The following WDR59 variants were observed in gnomAD, a reference collection of about 807,000 sequenced individuals.
The protein encoded by WDR59 is WD repeat domain 59.
Under a neutral mutation model 131.2 loss-of-function variants are expected in WDR59, and 100 were observed. The observed-to-expected ratio is 0.76, with a 90% CI of 0.65 to 0.90. WDR59 has a LOEUF of 0.90. Ranked by LOEUF, WDR59 falls within the 40% of genes least tolerant of loss-of-function variation. WDR59 has a pLI of 0.00. For synonymous variants in WDR59, 601 were observed against 466.2 expected (o/e 1.29, Z -3.72); for missense variants, 1,203 against 1,262.2 (o/e 0.95, Z 0.71).
rs759481888 is a variant in WDR59, at chr16:74,873,546, G to A, written c.*663C>T. 3 of 150,118 alleles carry A rather than the reference G, an allele frequency of 2.0e-5. No individual in the cohort carries two copies. The highest frequency in any genetic ancestry group is 4.4e-5 in the Non-Finnish European group (3 of 67,712). The allele number at this position is 150,118 out of a possible 1,614,324, so 9.3% of individuals were successfully genotyped here. On this transcript the variant is annotated 3_prime_UTR_variant, in exon 26 of 26. Coordinates refer to ENST00000262144, the MANE Select transcript of WDR59 (RefSeq NM_030581.4). ...AATAGCTACCTTCAATTAGAATTAG[G>A]GTAAAAAATGATTCACCATAATGTT...
intron 10 of WDR59, among the ~76,000 whole-genome samples, chr16:74,918,394 T>C (rs1198648669): frequency 1.3e-5 from 2 of 152,238 alleles, no homozygotes; most frequent in African/African-American, 2.4e-5. Context: ...TGGGATTTAA[T>C]GTCACACTAA....
At chr16:74,885,508 G>A in intron 25 of WDR59, 145 bp downstream of exon 25, 7 of 617,440 alleles carry the variant, frequency 1.1e-5, no homozygotes, top group South Asian at 4.2e-5. Context: ...GGGCTTTTCA[G>A]ATGCTTGGAA....
intron 23 of WDR59, among the ~76,000 whole-genome samples, chr16:74,887,017 T>C (rs1163421270): frequency 6.6e-6 from 1 of 152,182 alleles, no homozygotes; most frequent in Non-Finnish European, 1.5e-5. Context: ...TTTTGAACAA[T>C]ATTTGCTCAT....
intron 8 of WDR59, among the ~76,000 whole-genome samples, chr16:74,928,722 C>T (rs1217769686): frequency 1.3e-5 from 2 of 151,902 alleles, no homozygotes; most frequent in Non-Finnish European, 1.5e-5. Flanking sequence ...GTCACCATGG[C>T]GAAACCCTGT....
chr16:74,942,227 T>C (rs1466055994), intron 7 of WDR59, among the ~76,000 whole-genome samples: 2 of 152,128 alleles, frequency 1.3e-5, no homozygotes, highest in South Asian at 2.1e-4. Flanking sequence ...TTGAGGCTGA[T>C]GGGATGTCTA....
chr16:74,924,069 A>G, intron 8 of WDR59, 66 bp from the exon 9 acceptor site: 1 of 1,499,144 alleles, frequency 6.7e-7, no homozygotes, highest in South Asian at 1.2e-5. Context: ...TGAAATAAGC[A>G]CAGCCTTTGA....
intron 8 of WDR59, among the ~76,000 whole-genome samples, chr16:74,937,478 T>G (rs925466231): frequency 6.6e-6 from 1 of 152,154 alleles, no homozygotes; most frequent in African/African-American, 2.4e-5. Context: ...CATATCTGAC[T>G]TCCTTGCAGC....
At chr16:74,877,705 C>T (rs535342139) in intron 25 of WDR59, among the ~76,000 whole-genome samples, 1 of 152,080 alleles carries the variant, frequency 6.6e-6, no homozygotes, top group Non-Finnish European at 1.5e-5. Flanking sequence ...CCAACATGCC[C>T]GGCTAATTTC....
At chr16:74,977,833 T>G (rs1295483968) in intron 1 of WDR59, among the ~76,000 whole-genome samples, 1 of 152,224 alleles carries the variant, frequency 6.6e-6, no homozygotes, top group African/African-American at 2.4e-5. Flanking sequence ...GTCTATATAC[T>G]GGAACACTAC....
At chr16:74,885,841 A>G in intron 24 of WDR59, 46 bp from the exon 25 acceptor site, 1 of 1,602,342 alleles carries the variant, frequency 6.2e-7, no homozygotes, top group South Asian at 1.1e-5. Flanking sequence ...TTAAGAAAAA[A>G]CAAGCTTCAT....
At chr16:74,922,568 C>G (rs1017272022) in intron 9 of WDR59, among the ~76,000 whole-genome samples, 1 of 152,134 alleles carries the variant, frequency 6.6e-6, no homozygotes, top group Non-Finnish European at 1.5e-5. Context: ...ACCTTCCCGC[C>G]CCCCCGGCAC....
chr16:74,930,709 A>G (rs1385271005), intron 8 of WDR59: 4 of 152,090 alleles, frequency 2.6e-5, no homozygotes, highest in Non-Finnish European at 4.4e-5. Flanking sequence ...CCTGGCCAAC[A>G]TGGTGAAACT....
intron 13 of WDR59, 106 bp from the exon 14 acceptor site, chr16:74,912,468 GAA>G: frequency 1.7e-6 from 2 of 1,198,902 alleles, no homozygotes; most frequent in South Asian, 3.3e-5. Context: ...TGAATGAAGG[GAA>G]AGAGTCTACA....
At chr16:74,981,820 T>TA (rs2034442155) in intron 1 of WDR59, among the ~76,000 whole-genome samples, 1 of 142,528 alleles carries the variant, frequency 7.0e-6, no homozygotes, top group African/African-American at 2.6e-5. Flanking sequence ...TATGGTCGGC[T>TA]AATTTTTGTA....
At chr16:74,945,780 T>C (rs1165396839) in intron 6 of WDR59, among the ~76,000 whole-genome samples, 2 of 151,804 alleles carry the variant, frequency 1.3e-5, no homozygotes, top group Non-Finnish European at 2.9e-5. Context: ...AAGGAGACGT[T>C]CTGAGAGAGA....
chr16:74,948,332 G>A (rs74026629), intron 6 of WDR59, among the ~76,000 whole-genome samples, 187 bp downstream of exon 6: 2,708 of 152,256 alleles, frequency 0.018, 72 homozygotes, highest in African/African-American at 0.061. Flanking sequence ...TGGCTTCTGG[G>A]AGCAGCCTAA....
Position 74,965,754 on chromosome 16 carries a change from A to C in WDR59, c.104+19T>G, listed in dbSNP as rs766065704. 1 of 1,613,952 alleles carries C rather than the reference A, an allele frequency of 6.2e-7. No individual in the cohort carries two copies. Among genetic ancestry groups the C allele is most frequent in the Admixed American group, 1.7e-5 (1 of 59,940 alleles). ...CGTTTCCAGAAATCATGGCAGACAA[A>C]CTCGGCAAGCTTACTTACCCAGAAA... is the stretch of plus-strand genomic sequence containing the variant. On this transcript the variant is annotated intron_variant, in intron 2 of 25. Transcript: ENST00000262144.
At chr16:74,927,908 CTTTTTTTT>C (rs539167503) in intron 8 of WDR59, among the ~76,000 whole-genome samples, 11 of 124,490 alleles carry the variant, frequency 8.8e-5, no homozygotes, top group Non-Finnish European at 1.8e-4. Context: ...TTCTTTCTTT[CTTTTTTTT>C]TTTTTTTTTT....
chr16:74,937,090 C>G (rs1266835078), intron 8 of WDR59, among the ~76,000 whole-genome samples: 1 of 152,112 alleles, frequency 6.6e-6, no homozygotes, highest in East Asian at 1.9e-4. Context: ...GTGGTCAAAC[C>G]CCTGTCCTCA....
Sources: allele counts gnomAD v4.1 joint callset (sites outside exome capture counted in the v4.1 genomes callset), GRCh38; gene constraint gnomAD v4.1.1; transcripts MANE v1.5; gene names NCBI Gene and HGNC (gene_info 2026-07-23, HGNC 2026-07-21).